WDPCP: variants seen among roughly 807,000 people sequenced by gnomAD.
The protein encoded by WDPCP is WD repeat containing planar cell polarity effector.
Under a neutral mutation model 93.1 loss-of-function variants are expected in WDPCP, and 71 were observed. The ratio of observed to expected loss-of-function variants is 0.76; its 90% CI spans 0.63 to 0.93. The LOEUF is 0.93. Ranked by LOEUF, WDPCP falls within the 40% of genes least tolerant of loss-of-function variation. The pLI is 0.00. For missense variants in WDPCP, 844 were observed against 887.4 expected, an observed-to-expected ratio of 0.95 and a Z score of 0.62; for synonymous variants, 315 against 315.0, an observed-to-expected ratio of 1.00 and a Z score of 0.00.
Position 63,630,922 on chromosome 2 carries a change from T to C in WDPCP, n.488+19737A>G, listed in dbSNP as rs980628609. Among the ~76,000 whole-genome samples, 6 of 152,092 alleles carry C rather than the reference T, an allele frequency of 3.9e-5. No individual in the cohort carries two copies. The East Asian group carries it at 9.6e-4, about 24-fold the overall frequency. ...GTTCTCTGATCACAGTGAAGTCAAA[T>C]TAGAAATCAACAATGGAAAGACAAT... On this transcript the variant is annotated intron_variant and non_coding_transcript_variant, in intron 3 of 4. Transcript: ENST00000467687.
chr2:63,705,828 C>G (rs1371110447), intron 2 of WDPCP, among the ~76,000 whole-genome samples: 1 of 151,094 alleles, frequency 6.6e-6, no homozygotes, highest in African/African-American at 2.4e-5. Context: ...TGGTGCAGAG[C>G]TGAGTTCAAT....
At position 63,152,897 on chromosome 2, in the gene WDPCP, CAGAG is replaced by C; in HGVS notation, c.2190+13_2190+16del. On this transcript the variant is annotated intron_variant, in intron 17 of 17. Transcript: ENST00000272321. ...TAGAATTTAAATGTCTAGTAATAAA[CAGAG>C]AAAGTGTTTTACCTGTTCTCTGCCG... 6.2e-7 allele frequency: 1 copy of C among 1,608,578 alleles called. No individual in the cohort carries two copies. Among genetic ancestry groups the C allele is most frequent in the Non-Finnish European group, 8.5e-7 (1 of 1,175,442 alleles).
chr2:63,217,293 A>G (rs766060770), intron 14 of WDPCP, among the ~76,000 whole-genome samples: 1 of 152,244 alleles, frequency 6.6e-6, no homozygotes, highest in African/African-American at 2.4e-5. Context: ...TCTATCATCT[A>G]TGGCTGCTTT....
intron 14 of WDPCP, among the ~76,000 whole-genome samples, chr2:63,222,608 T>C (rs1352239694): frequency 6.6e-6 from 1 of 152,156 alleles, no homozygotes; most frequent in Non-Finnish European, 1.5e-5. Context: ...TCTAGGTAGG[T>C]AGTTTGCAGA....
chr2:63,187,857 T>C (rs768176781), intron 14 of WDPCP, among the ~76,000 whole-genome samples: 5 of 152,250 alleles, frequency 3.3e-5, no homozygotes, highest in Non-Finnish European at 7.3e-5. Flanking sequence ...TTTGTTTAAT[T>C]TGAGGAACTC....
chr2:63,652,258 T>A (rs540649441), intron 2 of WDPCP, among the ~76,000 whole-genome samples: 1 of 152,280 alleles, frequency 6.6e-6, no homozygotes, highest in African/African-American at 2.4e-5. Flanking sequence ...TCCAGTTAAC[T>A]TTGGAGGCTT....
chr2:63,630,544 T>A (rs553834207), intron 3 of WDPCP, among the ~76,000 whole-genome samples: 1 of 151,738 alleles, frequency 6.6e-6, no homozygotes, highest in East Asian at 1.9e-4. Context: ...TTTAATGTAA[T>A]GATAAAATGA....
chr2:63,165,104 A>C (rs139731597), intron 15 of WDPCP, among the ~76,000 whole-genome samples: 1 of 152,336 alleles, frequency 6.6e-6, no homozygotes, highest in East Asian at 1.9e-4. Flanking sequence ...ATTTAAAAAG[A>C]ATCACTTTCA....
intron 12 of WDPCP, among the ~76,000 whole-genome samples, chr2:63,347,979 T>C (rs1177649499): frequency 6.6e-6 from 1 of 152,176 alleles, no homozygotes; most frequent in Non-Finnish European, 1.5e-5. Flanking sequence ...ATGCTTGATG[T>C]CCTGTGGTAG....
chr2:63,531,850 C>T (rs564008552), intron 1 of WDPCP, among the ~76,000 whole-genome samples: 1 of 152,100 alleles, frequency 6.6e-6, no homozygotes, highest in Admixed American at 6.5e-5. Flanking sequence ...CAAAGCTGGA[C>T]AGAGAATGAC....
At chr2:63,791,918 C>A (rs191855878) in intron 2 of WDPCP, among the ~76,000 whole-genome samples, 1 of 152,080 alleles carries the variant, frequency 6.6e-6, no homozygotes, top group African/African-American at 2.4e-5. Flanking sequence ...GCATTTACTA[C>A]GGTGCCTGCA....
intron 3 of WDPCP, among the ~76,000 whole-genome samples, chr2:63,626,312 G>A (rs557612868): frequency 1.9e-4 from 29 of 152,144 alleles, no homozygotes; most frequent in Non-Finnish European, 3.2e-4. Context: ...CAAAAGCAAC[G>A]GCAACAAAAG....
intron 12 of WDPCP, among the ~76,000 whole-genome samples, chr2:63,367,275 T>TTCA (rs1157537780): frequency 2.0e-5 from 3 of 152,008 alleles, no homozygotes; most frequent in Non-Finnish European, 4.4e-5. Context: ...GATGCCAAAT[T>TTCA]TCATCTGTTT....
chr2:63,191,802 G>GA (rs1675065708), intron 14 of WDPCP, among the ~76,000 whole-genome samples: 1 of 151,862 alleles, frequency 6.6e-6, no homozygotes, highest in African/African-American at 2.4e-5. Flanking sequence ...TCAAATGGTT[G>GA]AAAAAATACA....
intron 9 of WDPCP, among the ~76,000 whole-genome samples, chr2:63,425,031 A>G (rs762680425): frequency 2.6e-5 from 4 of 152,310 alleles, no homozygotes; most frequent in Middle Eastern, 3.4e-3. Context: ...ACTGGATTGC[A>G]GCCTAAATTA....
intron 10 of WDPCP, among the ~76,000 whole-genome samples, chr2:63,402,457 A>G (rs1208215532): frequency 6.6e-6 from 1 of 152,202 alleles, no homozygotes; most frequent in Admixed American, 6.5e-5. Context: ...CATTCTGCAC[A>G]TGTATCCTGG....
At chr2:63,663,953 T>G (rs750418755) in intron 2 of WDPCP, among the ~76,000 whole-genome samples, 1 of 152,146 alleles carries the variant, frequency 6.6e-6, no homozygotes, top group Non-Finnish European at 1.5e-5. Context: ...CCACCGCACC[T>G]TTAACCCAAG....
chr2:63,589,083 C>T (rs200487040), upstream of WDPCP: 1 of 1,614,124 alleles, frequency 6.2e-7, no homozygotes, highest in Admixed American at 1.7e-5. Context: ...CACCTCTGGC[C>T]CTCGCGCCCT....
At chr2:63,152,778 G>T in intron 17 of WDPCP, 136 bp downstream of exon 17, 1 of 743,666 alleles carries the variant, frequency 1.3e-6, no homozygotes, top group South Asian at 1.8e-5. Flanking sequence ...AGTTAATATA[G>T]ACCAGTTAAT....
Sources: gnomAD v4.1 joint callset for allele counts (sites outside exome capture counted in the v4.1 genomes callset) on GRCh38, gnomAD v4.1.1 for gene constraint, MANE v1.5 for transcripts, NCBI Gene and HGNC (gene_info 2026-07-23, HGNC 2026-07-21) for gene names.